ANKS1B: variants seen among roughly 807,000 people sequenced by gnomAD.
The protein encoded by ANKS1B is ankyrin repeat and sterile alpha motif domain containing 1B, also known as ankyrin repeat and sterile alpha motif domain-containing protein 1B.
Under a neutral mutation model 148.3 loss-of-function variants are expected in ANKS1B, and 36 were observed. The observed-to-expected ratio is 0.24, with a 90% confidence interval of 0.19 to 0.32. The LOEUF (loss-of-function observed/expected upper bound fraction) is 0.32, where lower values mean the gene tolerates loss of function less well. Among genes scored for constraint, ANKS1B ranks in the 10% least tolerant of loss-of-function variants. ANKS1B has a pLI of 1.00. For missense variants in ANKS1B, 1,157 were observed against 1,542.6 expected (o/e 0.75, Z 4.19); for synonymous variants, 542 against 560.8 (o/e 0.97, Z 0.47).
At chr12:98,763,660 C>T (rs1478328089) in intron 25 of ANKS1B, among the ~76,000 whole-genome samples, 1 of 152,164 alleles carries the variant, frequency 6.6e-6, no homozygotes, top group Non-Finnish European at 1.5e-5. Flanking sequence ...TTTGTATATA[C>T]ACCCAAATAC....
intron 14 of ANKS1B, among the ~76,000 whole-genome samples, chr12:99,179,541 T>C (rs2078865409): frequency 6.6e-6 from 1 of 152,110 alleles, no homozygotes; most frequent in Admixed American, 6.5e-5. Context: ...TGCCATGCAT[T>C]CTCTTTCCTG....
At position 99,519,111 on chromosome 12, in the gene ANKS1B, A is replaced by C. The variant is rs114639957; in HGVS notation, c.1273-14470T>G. Among the ~76,000 whole-genome samples the C allele has an allele frequency of 6.2e-3, 938 of 152,140 alleles. 12 individuals are homozygous for C. The highest frequency in any genetic ancestry group is 0.02 in the African/African-American group (835 of 41,534). ...CTTAATATTATCTAAATTTGGTTGAATGTTTTCAAATTTGTTTTGTGAGCT... is the reference window on the plus strand; with the variant it reads ...CTTAATATTATCTAAATTTGGTTGACTGTTTTCAAATTTGTTTTGTGAGCT... On this transcript the variant is annotated intron_variant, in intron 9 of 26. Coordinates refer to ENST00000683438, the MANE Select transcript of ANKS1B (RefSeq NM_001352186.2).
At chr12:99,122,899 G>GTTCA (rs1453061497) in intron 15 of ANKS1B, among the ~76,000 whole-genome samples, 4 of 151,328 alleles carry the variant, frequency 2.6e-5, no homozygotes, top group African/African-American at 7.3e-5. Context: ...AAGGCGACTT[G>GTTCA]TTCATTCATT....
intron 1 of ANKS1B, among the ~76,000 whole-genome samples, chr12:99,973,120 G>C (rs1328955093): frequency 6.6e-6 from 1 of 152,242 alleles, no homozygotes; most frequent in Non-Finnish European, 1.5e-5. Flanking sequence ...CAAGAGCTCT[G>C]ATGGAGATGT....
At chr12:99,312,881 A>G (rs1053039910) in intron 12 of ANKS1B, among the ~76,000 whole-genome samples, 1 of 152,176 alleles carries the variant, frequency 6.6e-6, no homozygotes, top group African/African-American at 2.4e-5. Context: ...GCAAGAGTAA[A>G]TTAATCCAAA....
At chr12:99,088,351 C>T (rs2052697450) in intron 15 of ANKS1B, among the ~76,000 whole-genome samples, 1 of 152,068 alleles carries the variant, frequency 6.6e-6, no homozygotes. Flanking sequence ...TTGTAGGCTT[C>T]CTGGTCCTCA....
intron 17 of ANKS1B, chr12:98,894,925 C>A: frequency 1.1e-6 from 1 of 910,448 alleles, no homozygotes; most frequent in Non-Finnish European, 1.3e-6. Context: ...GGCGCGTGCC[C>A]CCCACCCCCC....
chr12:99,925,997 C>A (rs2094469325), intron 1 of ANKS1B, among the ~76,000 whole-genome samples: 1 of 152,118 alleles, frequency 6.6e-6, no homozygotes, highest in African/African-American at 2.4e-5. Flanking sequence ...TTTTTTAGGC[C>A]AGTGGGCCCC....
At chr12:99,668,879 T>G (rs2098522907) in intron 8 of ANKS1B, among the ~76,000 whole-genome samples, 1 of 152,192 alleles carries the variant, frequency 6.6e-6, no homozygotes, top group African/African-American at 2.4e-5. Context: ...TGCAATATTT[T>G]CCATTTCACC....
intron 9 of ANKS1B, among the ~76,000 whole-genome samples, chr12:99,559,251 C>T (rs1230880561): frequency 1.3e-5 from 2 of 152,086 alleles, no homozygotes; most frequent in Non-Finnish European, 2.9e-5. Flanking sequence ...CAGAAATTGC[C>T]ATTTTAAAAA....
At chr12:99,542,858 A>C (rs1260307168) in intron 9 of ANKS1B, among the ~76,000 whole-genome samples, 1 of 152,092 alleles carries the variant, frequency 6.6e-6, no homozygotes, top group Non-Finnish European at 1.5e-5. Context: ...CAAACGCCTA[A>C]ACGAAAGGGT....
chr12:99,354,654 T>A (rs980611525), intron 12 of ANKS1B, among the ~76,000 whole-genome samples: 1 of 152,052 alleles, frequency 6.6e-6, no homozygotes, highest in African/African-American at 2.4e-5. Flanking sequence ...TAAAATGACT[T>A]TGAGTCTCGT....
At chr12:98,927,327 G>A (rs902482968) in intron 17 of ANKS1B, among the ~76,000 whole-genome samples, 2 of 152,084 alleles carry the variant, frequency 1.3e-5, no homozygotes, top group East Asian at 3.9e-4. Flanking sequence ...AGCAGATCTT[G>A]CTCCACAGCA....
chr12:99,158,062 T>G (rs2076261475), intron 14 of ANKS1B, among the ~76,000 whole-genome samples: 1 of 151,780 alleles, frequency 6.6e-6, no homozygotes. Context: ...GTGAGGAAGG[T>G]ATAAAAGAGA....
intron 8 of ANKS1B, among the ~76,000 whole-genome samples, chr12:99,706,125 G>C (rs1434751892): frequency 6.6e-6 from 1 of 152,056 alleles, no homozygotes; most frequent in African/African-American, 2.4e-5. Flanking sequence ...ACATGTGTGT[G>C]CTTGTGTGGG....
intron 9 of ANKS1B, among the ~76,000 whole-genome samples, chr12:99,653,678 C>CTTTTTTTTTTTTT (rs199988255): frequency 1.8e-4 from 21 of 113,582 alleles, no homozygotes; most frequent in Non-Finnish European, 2.4e-4. Context: ...TTCTTTCTTT[C>CTTTTTTTTTTTTT]TTTTTTTTTT....
chr12:99,641,738 CTAGAT>C (rs1210668423), intron 9 of ANKS1B, among the ~76,000 whole-genome samples: 1 of 152,094 alleles, frequency 6.6e-6, no homozygotes, highest in Non-Finnish European at 1.5e-5. Flanking sequence ...TGAATATACT[CTAGAT>C]AAGAGTGACA....
intron 19 of ANKS1B, among the ~76,000 whole-genome samples, chr12:98,818,649 G>A: frequency 6.6e-6 from 1 of 152,182 alleles, no homozygotes; most frequent in South Asian, 2.1e-4. Context: ...CAGAAAGGCA[G>A]TGATCAGCTT....
chr12:99,135,422 G>A (rs2067691543), intron 15 of ANKS1B, among the ~76,000 whole-genome samples: 1 of 152,124 alleles, frequency 6.6e-6, no homozygotes, highest in Admixed American at 6.5e-5. Flanking sequence ...TACCAAGTGT[G>A]GAACAGGATG....
Sources: allele counts gnomAD v4.1 joint callset (sites outside exome capture counted in the v4.1 genomes callset), GRCh38; gene constraint gnomAD v4.1.1; transcripts MANE v1.5; gene names NCBI Gene and HGNC (gene_info 2026-07-23, HGNC 2026-07-21).